Variants in DENND1A observed in about 807,000 individuals in gnomAD.
DENND1A encodes the protein DENN domain-containing protein 1A.
DENND1A carries 51 observed loss-of-function variants against 113.7 expected under a neutral mutation model. The ratio of observed to expected loss-of-function variants is 0.45; its 90% confidence interval spans 0.36 to 0.57. The LOEUF (loss-of-function observed/expected upper bound fraction) is 0.57, where lower values mean the gene tolerates loss of function less well. Among genes scored for constraint, DENND1A ranks in the 20% least tolerant of loss-of-function variants. The pLI is 0.00. For missense variants in DENND1A, 1,258 were observed against 1,395.9 expected (o/e 0.90, Z 1.57); for synonymous variants, 565 against 570.8 (o/e 0.99, Z 0.14).
chr9:123,422,255 G>A lies in DENND1A; in HGVS notation c.1489-10426C>T, dbSNP rs1205754491. Among the ~76,000 whole-genome samples, 1 of 152,228 alleles carries A rather than the reference G, an allele frequency of 6.6e-6. No homozygotes were observed. The highest frequency in any genetic ancestry group is 1.5e-5 in the Non-Finnish European group (1 of 68,040). On this transcript the variant is annotated intron_variant, in intron 19 of 23. Coordinates refer to ENST00000394215, the MANE Select transcript of DENND1A (RefSeq NM_001352964.2). This position sits in a 1 kb window ranked among gnomAD's most constrained non-coding sequence, Gnocchi z 4.8. ...CATCTGAATAATGCCAGACCCGCCA[G>A]TCATTGTCCCCATGATTTGAGTTAC...
At chr9:123,460,651 C>T (rs781440506) in intron 13 of DENND1A, among the ~76,000 whole-genome samples, 22 of 152,218 alleles carry the variant, frequency 1.4e-4, no homozygotes, top group Non-Finnish European at 2.6e-4. Flanking sequence ...AATTGTCTCA[C>T]GCTCACCCCC....
intron 5 of DENND1A, among the ~76,000 whole-genome samples, chr9:123,727,476 A>T (rs942939786): frequency 2.6e-5 from 4 of 152,216 alleles, no homozygotes; most frequent in Non-Finnish European, 5.9e-5. Context: ...CACTTTTCCG[A>T]TCCTCCAGAT....
intron 2 of DENND1A, among the ~76,000 whole-genome samples, chr9:123,804,300 G>C (rs953767898): frequency 9.2e-5 from 14 of 152,188 alleles, no homozygotes; most frequent in African/African-American, 3.1e-4. Context: ...GGAACTGTAA[G>C]TCTCATTAAA....
At chr9:123,793,963 T>C (rs1476822638) in intron 2 of DENND1A, among the ~76,000 whole-genome samples, 1 of 152,242 alleles carries the variant, frequency 6.6e-6, no homozygotes, top group Non-Finnish European at 1.5e-5. Context: ...TCAATTTCTT[T>C]CTTCACCCTC....
intron 10 of DENND1A, among the ~76,000 whole-genome samples, chr9:123,627,786 A>T (rs2061305667): frequency 6.6e-6 from 1 of 150,876 alleles, no homozygotes. Context: ...AGTGAGAGAG[A>T]GAGAGAGAGC....
chr9:123,564,272 T>C (rs2057927347), intron 12 of DENND1A, among the ~76,000 whole-genome samples: 2 of 152,248 alleles, frequency 1.3e-5, no homozygotes, highest in Admixed American at 1.3e-4. Flanking sequence ...GGTTGCAACT[T>C]CTGGGGCCTG....
chr9:123,843,838 T>C (rs932980049), intron 2 of DENND1A, among the ~76,000 whole-genome samples: 3 of 152,170 alleles, frequency 2.0e-5, no homozygotes, highest in African/African-American at 7.2e-5. Context: ...TGAAACTCCT[T>C]GGAGATTGTA....
chr9:123,578,458 C>A (rs979439590), intron 12 of DENND1A, among the ~76,000 whole-genome samples: 3 of 152,220 alleles, frequency 2.0e-5, no homozygotes, highest in African/African-American at 7.2e-5. Context: ...CAGCTCACTG[C>A]AAACTTGAAT....
At chr9:123,470,394 G>T (rs2049311162) in intron 13 of DENND1A, among the ~76,000 whole-genome samples, 1 of 152,216 alleles carries the variant, frequency 6.6e-6, no homozygotes, top group Non-Finnish European at 1.5e-5. Context: ...CTCACCAGGG[G>T]CCAGATTCCC....
chr9:123,452,296 T>G lies in DENND1A; in HGVS notation c.1279A>C (p.Met427Leu), dbSNP rs1412207542. The G allele has an allele frequency of 6.2e-7, 1 of 1,614,156 alleles. No homozygotes were observed. Among genetic ancestry groups the G allele is most frequent in the African/African-American group, 1.3e-5 (1 of 74,956 alleles). ...NTVKTKANPA[M>L]KTVYKFAKDH... ...CTTACGAACTTGTAGACAGTCTTCA[T>G]GGCCGGATTTGCTTTGGTCTTTACA... The change falls in exon 17 of 24, where the codon ATG (methionine) becomes CTG (leucine). Residue 427 changes from methionine to leucine, a missense_variant. Met to Leu is a conservative substitution (Grantham distance 15). Around this residue, in one of 2 missense-constraint regions of DENND1A, gnomAD observed 1,159 missense variants for 1,231.7 expected, o/e 0.94. Transcript: ENST00000394215.
intron 12 of DENND1A, among the ~76,000 whole-genome samples, chr9:123,563,985 C>T (rs989757551): frequency 5.3e-5 from 8 of 152,146 alleles, no homozygotes; most frequent in Non-Finnish European, 7.4e-5. Context: ...TTGTTGATTC[C>T]TAATCTTTGC....
At chr9:123,489,782 C>T (rs947614807) in intron 13 of DENND1A, among the ~76,000 whole-genome samples, 2 of 152,186 alleles carry the variant, frequency 1.3e-5, no homozygotes, top group Non-Finnish European at 2.9e-5. Context: ...TGGAGAAACT[C>T]AGTCTCCTTA....
chr9:123,494,503 T>C (rs1254360188), intron 13 of DENND1A, among the ~76,000 whole-genome samples: 5 of 152,174 alleles, frequency 3.3e-5, no homozygotes, highest in African/African-American at 1.2e-4. Flanking sequence ...TTCAAGATTT[T>C]CCAGAGCCTC....
intron 5 of DENND1A, among the ~76,000 whole-genome samples, chr9:123,704,930 C>G (rs1032682483): frequency 6.6e-6 from 1 of 151,768 alleles, no homozygotes; most frequent in East Asian, 1.9e-4. Context: ...AAACAAGCAA[C>G]ATGAAAGAGA....
intron 5 of DENND1A, among the ~76,000 whole-genome samples, chr9:123,698,080 G>A (rs2065639660): frequency 6.6e-6 from 1 of 152,144 alleles, no homozygotes; most frequent in Non-Finnish European, 1.5e-5. Flanking sequence ...TACAGAATAA[G>A]CAGAAATAAG....
rs186320360 is a variant in DENND1A at position 123,533,310 on chromosome 9, C to T, written c.993+24260G>A. ...TTTCATGGTGGGCTTCTTTCTCCCA[C>T]CTGGATTTTTATCTTGATTAAAAAT... On this transcript the variant is annotated intron_variant, in intron 13 of 23. Coordinates refer to ENST00000394215, the MANE Select transcript of DENND1A (RefSeq NM_001352964.2). Among the ~76,000 whole-genome samples the T allele has an allele frequency of 2.8e-3, 428 of 152,318 alleles. 3 individuals are homozygous for T. The highest frequency in any genetic ancestry group is 5.1e-3 in the Non-Finnish European group (350 of 68,032).
intron 4 of DENND1A, among the ~76,000 whole-genome samples, chr9:123,765,710 C>T (rs918066269): frequency 1.3e-5 from 2 of 152,122 alleles, no homozygotes; most frequent in African/African-American, 4.8e-5. Context: ...CAAGGGCAAG[C>T]AAGTAGCAAA....
At chr9:123,629,682 C>G (rs1287438036) in intron 10 of DENND1A, among the ~76,000 whole-genome samples, 1 of 152,202 alleles carries the variant, frequency 6.6e-6, no homozygotes, top group African/African-American at 2.4e-5. Context: ...CTACTAAAGT[C>G]TGTTTCACTG....
intron 5 of DENND1A, among the ~76,000 whole-genome samples, chr9:123,728,425 C>T (rs1313850236): frequency 3.0e-5 from 4 of 133,984 alleles, no homozygotes; most frequent in South Asian, 2.3e-4. Flanking sequence ...TACAGTGAGC[C>T]GAGATCGTGC....
Sources: gnomAD v4.1 joint callset for allele counts (sites outside exome capture counted in the v4.1 genomes callset) on GRCh38, gnomAD v4.1.1 for gene constraint, gnomAD v4.1.1 regional missense constraint, Gnocchi (gnomAD v3.1) non-coding constraint, MANE v1.5 for transcripts, NCBI Gene and HGNC (gene_info 2026-07-23, HGNC 2026-07-21) for gene names.